PDE8B: variants seen among roughly 807,000 people sequenced by gnomAD.
The protein encoded by PDE8B is phosphodiesterase 8B, also known as high affinity cAMP-specific and IBMX-insensitive 3',5'-cyclic phosphodiesterase 8B.
PDE8B carries 26 observed loss-of-function variants against 101.3 expected under a neutral mutation model. The observed-to-expected ratio is 0.26, with a 90% CI of 0.19 to 0.36. The LOEUF is 0.36. Among genes scored for constraint, PDE8B ranks in the 10% least tolerant of loss-of-function variants. The pLI, the probability that PDE8B is intolerant of heterozygous loss-of-function variation, is 1.00. For synonymous variants in PDE8B, 424 were observed against 429.3 expected (o/e 0.99, Z 0.15); for missense variants, 810 against 1,163.1 (o/e 0.70, Z 4.42).
At chr5:77,405,838 C>T (rs1321429263) in intron 12 of PDE8B, among the ~76,000 whole-genome samples, 1 of 152,038 alleles carries the variant, frequency 6.6e-6, no homozygotes, top group African/African-American at 2.4e-5. Flanking sequence ...TTTTATTTGG[C>T]AAATGGGAGG....
chr5:77,241,452 A>T (rs1183521938), intron 1 of PDE8B, among the ~76,000 whole-genome samples: 1 of 152,230 alleles, frequency 6.6e-6, no homozygotes, highest in Non-Finnish European at 1.5e-5. Context: ...GCACAAAAAC[A>T]ATCATAGTAA....
At chr5:77,219,977 T>G (rs1750727677) in intron 1 of PDE8B, among the ~76,000 whole-genome samples, 1 of 152,220 alleles carries the variant, frequency 6.6e-6, no homozygotes, top group African/African-American at 2.4e-5. Flanking sequence ...CACACATGCA[T>G]GCACGTGCAC....
chr5:77,164,538 C>G, the PDE8B span, among the ~76,000 whole-genome samples: 1 of 152,196 alleles, frequency 6.6e-6, no homozygotes, highest in Non-Finnish European at 1.5e-5. Context: ...ATATGTCTGT[C>G]AAGATCTACA....
chr5:77,191,208 C>T, the PDE8B span, among the ~76,000 whole-genome samples: 190 of 149,780 alleles, frequency 1.3e-3, no homozygotes, highest in African/African-American at 3.8e-3. Flanking sequence ...TCCCTCAAGG[C>T]CCTATCTTCA....
At chr5:77,398,580 C>G (rs556047270) in intron 10 of PDE8B, among the ~76,000 whole-genome samples, 1 of 152,256 alleles carries the variant, frequency 6.6e-6, no homozygotes, top group South Asian at 2.1e-4. Flanking sequence ...TTTGGCCTCC[C>G]AAAGTGCTGG....
chr5:77,100,588 A>G, the PDE8B span, among the ~76,000 whole-genome samples: 1 of 152,314 alleles, frequency 6.6e-6, no homozygotes, highest in South Asian at 2.1e-4. Context: ...GGGATATGGA[A>G]AAGACCTGGG....
chr5:77,090,843 T>C, the PDE8B span, among the ~76,000 whole-genome samples: 1 of 152,236 alleles, frequency 6.6e-6, no homozygotes, highest in African/African-American at 2.4e-5. Context: ...ACCATATCTT[T>C]TGGCTTCTGT....
intron 1 of PDE8B, among the ~76,000 whole-genome samples, chr5:77,303,399 G>C (rs527686319): frequency 3.6e-4 from 55 of 151,948 alleles, no homozygotes; most frequent in African/African-American, 1.3e-3. Context: ...AATTAGCAGG[G>C]CGTAGAGAAT....
At chr5:77,178,620 A>G in the PDE8B span, among the ~76,000 whole-genome samples, 1 of 152,224 alleles carries the variant, frequency 6.6e-6, no homozygotes, top group Non-Finnish European at 1.5e-5. Context: ...TACATAACAA[A>G]GTACAAATTC....
intron 1 of PDE8B, chr5:77,290,770 T>G: frequency 6.7e-7 from 1 of 1,483,524 alleles, no homozygotes; most frequent in Non-Finnish European, 9.4e-7. Flanking sequence ...GCATTCAATT[T>G]CCCTGTGGCA....
the PDE8B span, among the ~76,000 whole-genome samples, chr5:77,103,227 A>G: frequency 6.6e-6 from 1 of 152,234 alleles, no homozygotes. Context: ...GAAATTGATC[A>G]GGTTGTGGAA....
intron 6 of PDE8B, among the ~76,000 whole-genome samples, chr5:77,343,744 AC>A (rs1779632845): frequency 6.6e-6 from 1 of 152,094 alleles, no homozygotes; most frequent in African/African-American, 2.4e-5. Flanking sequence ...AACTTTATAA[AC>A]CTTTATATTT....
the PDE8B span, among the ~76,000 whole-genome samples, chr5:77,179,429 A>G: frequency 1.3e-5 from 2 of 152,206 alleles, no homozygotes; most frequent in Non-Finnish European, 2.9e-5. Context: ...ACCTTAGTTC[A>G]AAATCCCTCC....
At chr5:77,295,260 C>T (rs900766416) in intron 1 of PDE8B, among the ~76,000 whole-genome samples, 3 of 152,120 alleles carry the variant, frequency 2.0e-5, no homozygotes, top group East Asian at 1.9e-4. Context: ...CAAAACTGTG[C>T]GAACATGCCA....
At chr5:77,311,969 T>C (rs562751274) in intron 1 of PDE8B, 25 bp from the exon 2 acceptor site, 1 of 1,602,726 alleles carries the variant, frequency 6.2e-7, no homozygotes, top group African/African-American at 1.3e-5. Context: ...GACTTGACGC[T>C]TCTCTTGTGC....
At chr5:77,391,117 A>T (rs1166701610) in intron 10 of PDE8B, among the ~76,000 whole-genome samples, 1 of 152,226 alleles carries the variant, frequency 6.6e-6, no homozygotes, top group Non-Finnish European at 1.5e-5. Context: ...AGTATTAAGG[A>T]AATAATTTTA....
In PDE8B at chr5:77,329,019, C is replaced by G; in HGVS notation, c.612C>G (p.Pro204=). The G allele has an allele frequency of 6.2e-7, 1 of 1,614,090 alleles. No individual in the cohort carries two copies. Among genetic ancestry groups the G allele is most frequent in the African/African-American group, 1.3e-5 (1 of 75,054 alleles). Residue 204 remains proline (P), a synonymous_variant, in exon 4 of 22, where the codon CCC becomes CCG. Coordinates refer to ENST00000264917, the MANE Select transcript of PDE8B (RefSeq NM_003719.5). ...AVCRSIRATN[P]SEHTVILAVV... is the part of the protein sequence containing the mutation. ...GCAGGTCGATCCGGGCCACAAATCC[C>G]TCCGAGCACACGGTGATCCTCGCAG...
chr5:77,136,290 T>C, the PDE8B span, among the ~76,000 whole-genome samples: 6 of 152,208 alleles, frequency 3.9e-5, no homozygotes, highest in African/African-American at 1.2e-4. Flanking sequence ...TTCTGTTTTG[T>C]TTTTGTTTTG....
intron 15 of PDE8B, 89 bp from the exon 16 acceptor site, chr5:77,412,011 C>T (rs538386342): frequency 1.5e-6 from 2 of 1,348,012 alleles, no homozygotes; most frequent in Admixed American, 1.7e-5. Flanking sequence ...GACTTTTTTT[C>T]TAGTAGTAAC....
Sources: gnomAD v4.1 joint callset for allele counts (sites outside exome capture counted in the v4.1 genomes callset) on GRCh38, gnomAD v4.1.1 for gene constraint, MANE v1.5 for transcripts, NCBI Gene and HGNC (gene_info 2026-07-23, HGNC 2026-07-21) for gene names.